The following CDH12 variants were observed in gnomAD, a reference collection of about 807,000 sequenced individuals.
CDH12 encodes cadherin 12.
CDH12 carries 41 observed loss-of-function variants against 74.1 expected under a neutral mutation model. The ratio of observed to expected loss-of-function variants is 0.55; its 90% confidence interval spans 0.43 to 0.72. The LOEUF (loss-of-function observed/expected upper bound fraction) is 0.72. CDH12 is among the 30% of genes least tolerant of loss of function. The pLI is 0.00. For synonymous variants in CDH12, 399 were observed against 355.0 expected (o/e 1.12, Z -1.39); for missense variants, 945 against 977.2 (o/e 0.97, Z 0.44).
At chr5:22,553,021 CTT>C in intron 1 of CDH12, among the ~76,000 whole-genome samples, 1 of 152,090 alleles carries the variant, frequency 6.6e-6, no homozygotes, top group Non-Finnish European at 1.5e-5. Context: ...GGCATTTCTA[CTT>C]GTTTGTTTCC....
intron 1 of CDH12, among the ~76,000 whole-genome samples, chr5:22,794,616 T>G (rs1452089684): frequency 6.6e-6 from 1 of 152,066 alleles, no homozygotes; most frequent in Non-Finnish European, 1.5e-5. Context: ...GACCAAGATT[T>G]AGAGAGAATA....
intron 1 of CDH12, among the ~76,000 whole-genome samples, chr5:22,812,175 T>C (rs1749180828): frequency 6.6e-6 from 1 of 152,180 alleles, no homozygotes; most frequent in South Asian, 2.1e-4. Context: ...TTGTATGTTT[T>C]AGGTGCTTTC....
Position 22,397,148 on chromosome 5 carries a change from G to A in CDH12, c.-333+8109C>T, listed in dbSNP as rs548637840. ...ATGAGGCTGTTATTAAGATGTAGCC[G>A]GTGGAATGCAAAAATTATTATCACG... is the stretch of plus-strand genomic sequence containing the variant. On this transcript the variant is annotated intron_variant, in intron 3 of 14. Transcript: ENST00000382254. Among the ~76,000 whole-genome samples, 50 of 152,042 alleles carry A rather than the reference G, an allele frequency of 3.3e-4. 1 individual carries two copies. In the South Asian group the frequency reaches 7.9e-3, roughly 24 times the overall value.
intron 1 of CDH12, among the ~76,000 whole-genome samples, chr5:22,625,383 C>G (rs184527087): frequency 6.6e-6 from 1 of 152,116 alleles, no homozygotes; most frequent in Non-Finnish European, 1.5e-5. Flanking sequence ...TGAGGAGTGG[C>G]CAACACTAAC....
intron 6 of CDH12, among the ~76,000 whole-genome samples, chr5:21,909,632 C>T (rs1052808945): frequency 3.3e-5 from 5 of 151,928 alleles, no homozygotes; most frequent in Non-Finnish European, 5.9e-5. Context: ...AATTTGGGGC[C>T]AGTAATATGC....
chr5:22,431,765 T>A (rs1302274072), intron 2 of CDH12, among the ~76,000 whole-genome samples: 1 of 152,118 alleles, frequency 6.6e-6, no homozygotes, highest in African/African-American at 2.4e-5. Flanking sequence ...ATAAATAGTT[T>A]AAAAAGTAAA....
chr5:21,909,000 C>T (rs1158343020), intron 6 of CDH12, among the ~76,000 whole-genome samples: 2 of 152,124 alleles, frequency 1.3e-5, no homozygotes, highest in South Asian at 2.1e-4. Flanking sequence ...TGAGAATTAT[C>T]TTTTTTTCCT....
At chr5:21,891,982 C>T (rs948620828) in intron 6 of CDH12, among the ~76,000 whole-genome samples, 7 of 152,080 alleles carry the variant, frequency 4.6e-5, no homozygotes, top group Admixed American at 6.6e-5. Flanking sequence ...TGAACCTGTT[C>T]CAATACTGTG....
At chr5:22,115,554 T>C (rs1487558334) in intron 4 of CDH12, among the ~76,000 whole-genome samples, 1 of 152,184 alleles carries the variant, frequency 6.6e-6, no homozygotes, top group Non-Finnish European at 1.5e-5. Flanking sequence ...TAGTATTATG[T>C]GATGCATGTT....
chr5:22,815,671 G>A (rs1304295412), intron 1 of CDH12, among the ~76,000 whole-genome samples: 1 of 150,110 alleles, frequency 6.7e-6, no homozygotes, highest in African/African-American at 2.4e-5. Flanking sequence ...TCAGGAGACT[G>A]AGTAAGGAGA....
intron 5 of CDH12, among the ~76,000 whole-genome samples, chr5:22,055,816 A>C (rs1740699566): frequency 6.6e-6 from 1 of 152,120 alleles, no homozygotes; most frequent in Non-Finnish European, 1.5e-5. Flanking sequence ...AATATCTTAA[A>C]TATATTGAAT....
chr5:22,312,154 C>T (rs1029039197), intron 3 of CDH12, among the ~76,000 whole-genome samples: 8 of 151,700 alleles, frequency 5.3e-5, no homozygotes, highest in Non-Finnish European at 1.0e-4. Flanking sequence ...ACATTACTTG[C>T]AAAAAGATTA....
chr5:22,106,539 C>G (rs1456741244), intron 4 of CDH12, among the ~76,000 whole-genome samples: 1 of 152,170 alleles, frequency 6.6e-6, no homozygotes, highest in Non-Finnish European at 1.5e-5. Flanking sequence ...ACTACAGACA[C>G]TCTTCTAAAA....
At chr5:22,803,578 C>T (rs77191859) in intron 1 of CDH12, among the ~76,000 whole-genome samples, 8,470 of 152,260 alleles carry the variant, frequency 0.056, 341 homozygotes, top group Middle Eastern at 0.12. Flanking sequence ...TTTGCTTCTT[C>T]CTGACATCTG....
chr5:21,769,479 A>ATTTAT lies in CDH12; in HGVS notation c.1394-4381_1394-4380insATAAA, dbSNP rs1323315906. On this transcript the variant is annotated intron_variant, in intron 11 of 14. Coordinates refer to ENST00000382254, the MANE Select transcript of CDH12 (RefSeq NM_004061.5). ...TATACTAGCAACGTCTAAATTTGTT[A>ATTTAT]GTATATTAATTACCCTTCTATACTC... 2.0e-5 allele frequency among the ~76,000 whole-genome samples: 3 copies of ATTTAT among 152,268 alleles called. No homozygotes were observed. The East Asian group carries it at 5.8e-4, about 29-fold the overall frequency.
At chr5:22,678,158 G>C (rs1345669920) in intron 1 of CDH12, among the ~76,000 whole-genome samples, 2 of 151,750 alleles carry the variant, frequency 1.3e-5, no homozygotes, top group African/African-American at 4.8e-5. Flanking sequence ...AATCTTGAAC[G>C]AATCTACAAA....
At chr5:22,471,256 C>A (rs1745946990) in intron 2 of CDH12, among the ~76,000 whole-genome samples, 1 of 152,188 alleles carries the variant, frequency 6.6e-6, no homozygotes, top group Non-Finnish European at 1.5e-5. Context: ...AACCAATCGA[C>A]AAGCTCTCTG....
At chr5:22,613,629 T>C (rs1424845309) in intron 1 of CDH12, among the ~76,000 whole-genome samples, 1 of 152,152 alleles carries the variant, frequency 6.6e-6, no homozygotes, top group Non-Finnish European at 1.5e-5. Context: ...GTGTTATGTA[T>C]GTATTTATGC....
intron 6 of CDH12, among the ~76,000 whole-genome samples, chr5:21,898,062 G>A (rs1355209290): frequency 1.3e-5 from 2 of 151,724 alleles, no homozygotes; most frequent in East Asian, 3.9e-4. Flanking sequence ...TGACAGGCAT[G>A]ACCTTATGTA....
Sources: allele counts gnomAD v4.1 joint callset (sites outside exome capture counted in the v4.1 genomes callset), GRCh38; gene constraint gnomAD v4.1.1; transcripts MANE v1.5; gene names NCBI Gene and HGNC (gene_info 2026-07-23, HGNC 2026-07-21).